PPFIA2: variants seen among roughly 807,000 people sequenced by gnomAD.
The protein encoded by PPFIA2 is PPFI scaffold protein A2, also known as liprin-alpha-2.
PPFIA2 carries 46 observed loss-of-function variants against 175.5 expected under a neutral mutation model. The ratio of observed to expected loss-of-function variants is 0.26; its 90% CI spans 0.21 to 0.34. The LOEUF is 0.34. Ranked by LOEUF, PPFIA2 falls within the 10% of genes least tolerant of loss-of-function variation. PPFIA2 has a pLI of 1.00. For missense variants in PPFIA2, 1,179 were observed against 1,506.1 expected (o/e 0.78, Z 3.60); for synonymous variants, 568 against 511.4 (o/e 1.11, Z -1.49).
intron 4 of PPFIA2, among the ~76,000 whole-genome samples, chr12:81,488,254 T>C (rs2059051390): frequency 6.6e-6 from 1 of 151,794 alleles, no homozygotes; most frequent in Non-Finnish European, 1.5e-5. Flanking sequence ...CAGAATGAAC[T>C]CCGATTTTTA....
chr12:81,412,476 A>T (rs184971782), intron 7 of PPFIA2, among the ~76,000 whole-genome samples: 1 of 152,028 alleles, frequency 6.6e-6, no homozygotes, highest in Non-Finnish European at 1.5e-5. Flanking sequence ...CATCTACATT[A>T]TCTTTTCTTT....
At chr12:81,726,571 T>C (rs2080106308) in intron 3 of PPFIA2, among the ~76,000 whole-genome samples, 1 of 151,308 alleles carries the variant, frequency 6.6e-6, no homozygotes, top group African/African-American at 2.4e-5. Context: ...ATAGTTGAGT[T>C]AGACACCAGC....
At chr12:81,280,872 T>G (rs1307325921) in intron 27 of PPFIA2, among the ~76,000 whole-genome samples, 1 of 151,820 alleles carries the variant, frequency 6.6e-6, no homozygotes, top group African/African-American at 2.4e-5. Flanking sequence ...ATTATAAAAT[T>G]TATAACCACA....
chr12:81,312,754 C>T (rs1227722797), intron 22 of PPFIA2, among the ~76,000 whole-genome samples: 1 of 152,142 alleles, frequency 6.6e-6, no homozygotes, highest in African/African-American at 2.4e-5. Flanking sequence ...TTCCTCAACA[C>T]AATCCCTGGC....
intron 4 of PPFIA2, among the ~76,000 whole-genome samples, chr12:81,625,093 A>T (rs975076933): frequency 1.3e-5 from 2 of 151,886 alleles, no homozygotes; most frequent in African/African-American, 2.4e-5. Context: ...TATTATACAC[A>T]CACAATATGT....
At chr12:81,353,485 C>T in intron 16 of PPFIA2, 146 bp from the exon 17 acceptor site, 2 of 619,842 alleles carry the variant, frequency 3.2e-6, no homozygotes, top group Non-Finnish European at 5.7e-6. Flanking sequence ...AATTTATTTG[C>T]TTCCATAAAA....
intron 4 of PPFIA2, among the ~76,000 whole-genome samples, chr12:81,572,837 G>A (rs1454433800): frequency 6.6e-6 from 1 of 151,994 alleles, no homozygotes; most frequent in African/African-American, 2.4e-5. Flanking sequence ...GTTTGTGTGT[G>A]TGTGTGTTCA....
chr12:81,614,002 A>G (rs1437450444), intron 4 of PPFIA2, among the ~76,000 whole-genome samples: 1 of 152,156 alleles, frequency 6.6e-6, no homozygotes, highest in Non-Finnish European at 1.5e-5. Flanking sequence ...GACTGAATGA[A>G]CAAGCAAAAC....
rs71669706 is a variant in PPFIA2 at position 81,618,253 on chromosome 12, CTGTG to C, written c.303+58534_303+58537del. The stretch of plus-strand genomic sequence containing the variant: ...CATTGCATTTTTACTATGTGTAAAT[CTGTG>C]TGTGTGTGTGTGTGTGTGTGTGTGT... On this transcript the variant is annotated intron_variant, in intron 4 of 32. Coordinates refer to ENST00000549396, the MANE Select transcript of PPFIA2 (RefSeq NM_003625.5). 9.6e-3 allele frequency among the ~76,000 whole-genome samples: 1,430 copies of C among 148,586 alleles called. 19 individuals carry two copies. Among genetic ancestry groups the C allele is most frequent in the African/African-American group, 0.032 (1,280 of 40,466 alleles).
At chr12:81,457,534 A>G (rs978090635) in intron 5 of PPFIA2, among the ~76,000 whole-genome samples, 1 of 152,152 alleles carries the variant, frequency 6.6e-6, no homozygotes, top group Non-Finnish European at 1.5e-5. Flanking sequence ...GAATGTGAAC[A>G]TTTTGTAAAG....
chr12:81,447,939 T>C (rs2051627360), intron 5 of PPFIA2, among the ~76,000 whole-genome samples: 1 of 152,212 alleles, frequency 6.6e-6, no homozygotes, highest in African/African-American at 2.4e-5. Flanking sequence ...TTAACATTAT[T>C]ATGTACATCT....
chr12:81,736,883 C>A (rs1272612657), intron 3 of PPFIA2, among the ~76,000 whole-genome samples: 3 of 151,932 alleles, frequency 2.0e-5, no homozygotes, highest in Non-Finnish European at 2.9e-5. Flanking sequence ...GCTGGGACTA[C>A]AGACATGTAC....
intron 16 of PPFIA2, among the ~76,000 whole-genome samples, chr12:81,355,406 G>A (rs1005005450): frequency 2.0e-4 from 31 of 152,118 alleles, no homozygotes; most frequent in Admixed American, 6.6e-5. Flanking sequence ...AAGACCCTAG[G>A]ATTTTCAGCA....
intron 7 of PPFIA2, among the ~76,000 whole-genome samples, chr12:81,415,971 T>A (rs1429734852): frequency 1.3e-5 from 2 of 151,470 alleles, no homozygotes; most frequent in African/African-American, 4.8e-5. Context: ...TCTATGTAGT[T>A]CCCTAATAAT....
chr12:81,496,773 T>C (rs1235837556), intron 4 of PPFIA2, among the ~76,000 whole-genome samples: 2 of 152,172 alleles, frequency 1.3e-5, no homozygotes, highest in South Asian at 2.1e-4. Flanking sequence ...ATGTATAGCA[T>C]GGGAGGTCAA....
At chr12:81,515,356 T>A (rs2062294259) in intron 4 of PPFIA2, among the ~76,000 whole-genome samples, 1 of 151,994 alleles carries the variant, frequency 6.6e-6, no homozygotes, top group African/African-American at 2.4e-5. Context: ...AACATAGATG[T>A]AAACACACTC....
In PPFIA2 at chr12:81,368,721, T is replaced by C. The variant is rs1184233577; in HGVS notation, c.1482+4A>G. 2.5e-6 allele frequency: 4 copies of C among 1,604,204 alleles called. No homozygotes were observed. In the Admixed American group the frequency reaches 6.9e-5, roughly 28 times the overall value. On this transcript the variant is annotated splice_donor_region_variant and intron_variant, in intron 13 of 32. Transcript: ENST00000549396. ...CATGTGATTTTACCCTTCTATCGTT[T>C]TACCTTTTCTTCTAGAGCAGCCATT...
At chr12:81,362,542 A>G in intron 15 of PPFIA2, 151 bp downstream of exon 15, 1 of 435,384 alleles carries the variant, frequency 2.3e-6, no homozygotes, top group Non-Finnish European at 4.1e-6. Flanking sequence ...TTTTGAATGT[A>G]AAAACTGCAA....
intron 4 of PPFIA2, among the ~76,000 whole-genome samples, chr12:81,541,110 T>C: frequency 6.6e-6 from 1 of 152,156 alleles, no homozygotes; most frequent in East Asian, 1.9e-4. Flanking sequence ...TTTTTAAACA[T>C]AACATTAAGT....
Sources: allele counts gnomAD v4.1 joint callset (sites outside exome capture counted in the v4.1 genomes callset), GRCh38; gene constraint gnomAD v4.1.1; transcripts MANE v1.5; gene names NCBI Gene and HGNC (gene_info 2026-07-23, HGNC 2026-07-21).